Variants in CLPB observed in about 807,000 individuals in gnomAD.
The protein encoded by CLPB is ClpB family mitochondrial disaggregase.
In CLPB, 40 loss-of-function variants were observed where a neutral mutation model predicts 78.4. The observed-to-expected ratio is 0.51, with a 90% CI of 0.40 to 0.66. CLPB has a LOEUF of 0.66. CLPB is among the 30% of genes least tolerant of loss of function. The pLI is 0.00. For missense variants in CLPB, 780 were observed against 886.9 expected, an observed-to-expected ratio of 0.88 and a Z score of 1.53; for synonymous variants, 333 against 348.0, an observed-to-expected ratio of 0.96 and a Z score of 0.48.
rs60096746 is a variant in CLPB at position 72,388,250 on chromosome 11, C to CTTT, written c.543-7869_543-7867dup. On this transcript the variant is annotated intron_variant, in intron 3 of 15. Coordinates refer to ENST00000538039, the MANE Select transcript of CLPB (RefSeq NM_001258392.3). ...AAACCTCAGAGAAGATTCCCTTCCC[C>CTTT]TTTTTTTTTTTTTTTTTTGAGACAG... Among the ~76,000 whole-genome samples the CTTT allele has an allele frequency of 2.6e-4, 36 of 138,096 alleles. 1 individual carries two copies. Among genetic ancestry groups the CTTT allele is most frequent in the African/African-American group, 8.8e-4 (32 of 36,236 alleles). The allele number at this position is 138,096 out of a possible 152,430, so 90.6% of individuals were successfully genotyped here.
At chr11:72,431,105 A>C (rs1856532346) in intron 1 of CLPB, among the ~76,000 whole-genome samples, 1 of 152,232 alleles carries the variant, frequency 6.6e-6, no homozygotes, top group South Asian at 2.1e-4. Flanking sequence ...CTAGGAGAAA[A>C]GCAACGCTAG....
chr11:72,299,108 C>A (rs181611780), intron 11 of CLPB, among the ~76,000 whole-genome samples: 6 of 152,328 alleles, frequency 3.9e-5, no homozygotes, highest in African/African-American at 1.4e-4. Flanking sequence ...CTTCAATCTG[C>A]GGCTTCCCAC....
intron 3 of CLPB, among the ~76,000 whole-genome samples, chr11:72,383,299 C>T (rs963056497): frequency 5.3e-5 from 8 of 151,678 alleles, no homozygotes; most frequent in African/African-American, 1.2e-4. Context: ...CTGAGGGGGG[C>T]GGATCATGAG....
chr11:72,317,284 TC>T (rs1565434076), intron 6 of CLPB, 64 bp from the exon 7 acceptor site: 3 of 1,235,742 alleles, frequency 2.4e-6, no homozygotes, highest in Non-Finnish European at 1.1e-6. Context: ...CTTCACTCTA[TC>T]CCCCAACTCG....
At chr11:72,321,016 A>G (rs1950034328) in intron 6 of CLPB, among the ~76,000 whole-genome samples, 1 of 152,178 alleles carries the variant, frequency 6.6e-6, no homozygotes, top group African/African-American at 2.4e-5. Flanking sequence ...CCCGGCAATG[A>G]TTGACTTGTG....
intron 4 of CLPB, among the ~76,000 whole-genome samples, chr11:72,374,663 T>C (rs1469389018): frequency 6.6e-6 from 1 of 152,246 alleles, no homozygotes; most frequent in Non-Finnish European, 1.5e-5. Flanking sequence ...TAACCAAAGA[T>C]AAAGTCTCAG....
chr11:72,384,118 A>G (rs764366093), intron 3 of CLPB, among the ~76,000 whole-genome samples: 1 of 152,168 alleles, frequency 6.6e-6, no homozygotes. Context: ...CAACCATTGC[A>G]CTACAGCCTG....
chr11:72,404,766 GT>G (rs1430655854), intron 2 of CLPB, among the ~76,000 whole-genome samples: 1 of 152,198 alleles, frequency 6.6e-6, no homozygotes, highest in Non-Finnish European at 1.5e-5. Context: ...CCCCTAAGAT[GT>G]TTGGTATGAC....
At chr11:72,370,112 T>C (rs1951016653) in intron 4 of CLPB, among the ~76,000 whole-genome samples, 1 of 152,214 alleles carries the variant, frequency 6.6e-6, no homozygotes, top group Non-Finnish European at 1.5e-5. Flanking sequence ...ATGTCTCTAA[T>C]ATATTTTGTG....
intron 2 of CLPB, chr11:72,411,834 C>G (rs1855887256): frequency 6.6e-6 from 1 of 152,310 alleles, no homozygotes; most frequent in African/African-American, 2.4e-5. Flanking sequence ...CAGCCCTCAG[C>G]TGCAGCTGGG....
At chr11:72,359,546 T>C (rs992754690) in intron 4 of CLPB, among the ~76,000 whole-genome samples, 2 of 152,198 alleles carry the variant, frequency 1.3e-5, no homozygotes, top group Non-Finnish European at 2.9e-5. Context: ...CTGAAAATGT[T>C]TACATTCTAG....
chr11:72,362,582 T>C (rs1950860181), intron 4 of CLPB, among the ~76,000 whole-genome samples: 1 of 152,192 alleles, frequency 6.6e-6, no homozygotes, highest in Admixed American at 6.5e-5. Context: ...AGCTCTGAAC[T>C]TACTGACTGT....
intron 5 of CLPB, among the ~76,000 whole-genome samples, chr11:72,346,924 T>C (rs889394538): frequency 7.0e-6 from 1 of 141,958 alleles, no homozygotes; most frequent in Non-Finnish European, 1.5e-5. Context: ...GAGGTTGCGA[T>C]GAGCCGAGAT....
intron 2 of CLPB, among the ~76,000 whole-genome samples, chr11:72,419,521 G>A (rs1856126225): frequency 6.6e-6 from 1 of 152,192 alleles, no homozygotes; most frequent in African/African-American, 2.4e-5. Flanking sequence ...TAAAAATAAA[G>A]ACAAAGCTTC....
At chr11:72,427,662 A>C (rs1476770402) in intron 2 of CLPB, among the ~76,000 whole-genome samples, 1 of 152,204 alleles carries the variant, frequency 6.6e-6, no homozygotes, top group Non-Finnish European at 1.5e-5. Context: ...TGCTATACAG[A>C]TTCCTAGCCT....
chr11:72,375,146 C>T (rs1854647354), intron 4 of CLPB, among the ~76,000 whole-genome samples: 1 of 152,112 alleles, frequency 6.6e-6, no homozygotes, highest in African/African-American at 2.4e-5. Context: ...TTTTGGAGGA[C>T]AGGAGCATAG....
At chr11:72,343,877 C>A (rs909950258) in intron 5 of CLPB, among the ~76,000 whole-genome samples, 1 of 152,098 alleles carries the variant, frequency 6.6e-6, no homozygotes, top group African/African-American at 2.4e-5. Context: ...TACCCTGTGC[C>A]CAGAACAGTA....
chr11:72,330,152 A>G (rs555947542), intron 5 of CLPB, among the ~76,000 whole-genome samples: 1 of 152,256 alleles, frequency 6.6e-6, no homozygotes, highest in Non-Finnish European at 1.5e-5. Flanking sequence ...ACATATCAGC[A>G]TACAGATAAA....
At chr11:72,354,924 C>T (rs765988641) in intron 5 of CLPB, among the ~76,000 whole-genome samples, 2 of 152,122 alleles carry the variant, frequency 1.3e-5, no homozygotes, top group African/African-American at 4.8e-5. Context: ...CTTGTCCAGG[C>T]GCCTGCCAGA....
Sources: gnomAD v4.1 joint callset for allele counts (sites outside exome capture counted in the v4.1 genomes callset) on GRCh38, gnomAD v4.1.1 for gene constraint, MANE v1.5 for transcripts, NCBI Gene and HGNC (gene_info 2026-07-23, HGNC 2026-07-21) for gene names.